RPS6KC1: variants seen among roughly 807,000 people sequenced by gnomAD.
The protein encoded by RPS6KC1 is ribosomal protein S6 kinase C1.
Under a neutral mutation model 103.8 loss-of-function variants are expected in RPS6KC1, and 54 were observed. The ratio of observed to expected loss-of-function variants is 0.52; its 90% CI spans 0.42 to 0.65. The LOEUF (loss-of-function observed/expected upper bound fraction) is 0.65, where lower values mean the gene tolerates loss of function less well. RPS6KC1 is among the 30% of genes least tolerant of loss of function. The pLI, the probability that RPS6KC1 is intolerant of heterozygous loss-of-function variation, is 0.00. For missense variants in RPS6KC1, 1,151 were observed against 1,253.8 expected, an observed-to-expected ratio of 0.92 and a Z score of 1.24; for synonymous variants, 439 against 438.7, an observed-to-expected ratio of 1.00 and a Z score of -0.01.
the RPS6KC1 span, among the ~76,000 whole-genome samples, chr1:213,727,595 G>A: frequency 6.6e-6 from 1 of 152,162 alleles, no homozygotes; most frequent in Non-Finnish European, 1.5e-5. Flanking sequence ...GTGATTTATT[G>A]ATAGGCCAGG....
chr1:213,642,412 C>T, the RPS6KC1 span, among the ~76,000 whole-genome samples: 1 of 152,132 alleles, frequency 6.6e-6, no homozygotes, highest in Non-Finnish European at 1.5e-5. Flanking sequence ...ACCAGTGAGA[C>T]TGAGCATCTT....
chr1:213,194,696 A>G (rs1221197194), intron 8 of RPS6KC1, among the ~76,000 whole-genome samples: 1 of 152,228 alleles, frequency 6.6e-6, no homozygotes, highest in Non-Finnish European at 1.5e-5. Context: ...CCTATTGTGA[A>G]CTGTGAATGC....
In RPS6KC1 at chr1:213,160,742, C is replaced by T. The variant is rs146632021; in HGVS notation, c.836-7116C>T. ...GGAAACATAATTCTGAGCAAACTAT[C>T]GCAAGGACACAAAACCAAACACCAC... On this transcript the variant is annotated intron_variant, in intron 6 of 14. Transcript: ENST00000366960. Among the ~76,000 whole-genome samples, 172 of 151,610 alleles carry T rather than the reference C, an allele frequency of 1.1e-3. 1 individual carries two copies. In the East Asian group the frequency reaches 0.026, roughly 23 times the overall value.
At chr1:213,440,300 T>G in the RPS6KC1 span, among the ~76,000 whole-genome samples, 1 of 152,134 alleles carries the variant, frequency 6.6e-6, no homozygotes, top group Non-Finnish European at 1.5e-5. Flanking sequence ...CCAGAAGACT[T>G]GAAGACAAGT....
the RPS6KC1 span, among the ~76,000 whole-genome samples, chr1:213,617,809 G>A: frequency 6.6e-6 from 1 of 152,166 alleles, no homozygotes; most frequent in South Asian, 2.1e-4. Context: ...TAAAGCCTAG[G>A]ATGGAAGGAA....
the RPS6KC1 span, among the ~76,000 whole-genome samples, chr1:213,352,304 AT>A: frequency 6.6e-6 from 1 of 152,356 alleles, no homozygotes; most frequent in African/African-American, 2.4e-5. Flanking sequence ...TAATTCTAAA[AT>A]TTGGAAAAAC....
intron 8 of RPS6KC1, among the ~76,000 whole-genome samples, chr1:213,203,436 T>C (rs1454680303): frequency 2.6e-5 from 4 of 152,200 alleles, no homozygotes; most frequent in African/African-American, 9.6e-5. Flanking sequence ...GTCATTTTAA[T>C]GTGCAATTTT....
chr1:213,789,862 T>C, the RPS6KC1 span, among the ~76,000 whole-genome samples: 1 of 152,224 alleles, frequency 6.6e-6, no homozygotes, highest in African/African-American at 2.4e-5. Context: ...ATAAGTCAAA[T>C]GCTGAGATAG....
chr1:213,226,921 A>T (rs1179022655), intron 8 of RPS6KC1, among the ~76,000 whole-genome samples: 1 of 152,242 alleles, frequency 6.6e-6, no homozygotes, highest in East Asian at 1.9e-4. Flanking sequence ...AATAAATAGT[A>T]TCGCTTAGCA....
chr1:213,718,839 C>T, the RPS6KC1 span, among the ~76,000 whole-genome samples: 2 of 152,304 alleles, frequency 1.3e-5, no homozygotes, highest in South Asian at 4.1e-4. Flanking sequence ...TCCTATAGTT[C>T]TGGGGTGGGA....
At chr1:213,815,031 C>T in the RPS6KC1 span, among the ~76,000 whole-genome samples, 264 of 152,258 alleles carry the variant, frequency 1.7e-3, 1 homozygote, top group Admixed American at 3.5e-3. Flanking sequence ...ATAATCTCCA[C>T]GTGTCATGGG....
the RPS6KC1 span, among the ~76,000 whole-genome samples, chr1:213,602,524 C>A: frequency 6.6e-6 from 1 of 151,950 alleles, no homozygotes; most frequent in Non-Finnish European, 1.5e-5. Flanking sequence ...TGAGCCATTG[C>A]GCCCGGCCTG....
chr1:213,853,135 C>T, the RPS6KC1 span, among the ~76,000 whole-genome samples: 1 of 152,202 alleles, frequency 6.6e-6, no homozygotes, highest in African/African-American at 2.4e-5. Flanking sequence ...TCTGGAAGTT[C>T]CTGCCACCCT....
intron 8 of RPS6KC1, among the ~76,000 whole-genome samples, chr1:213,191,622 C>G (rs919242417): frequency 2.0e-5 from 3 of 151,894 alleles, no homozygotes; most frequent in Non-Finnish European, 4.4e-5. Flanking sequence ...AATTTAGATG[C>G]TCTTTATTTC....
chr1:213,361,670 C>T, the RPS6KC1 span, among the ~76,000 whole-genome samples: 3 of 152,296 alleles, frequency 2.0e-5, no homozygotes, highest in East Asian at 1.9e-4. Context: ...TGTTCCTATT[C>T]GGCCATCTTG....
At chr1:213,850,289 AAG>A in the RPS6KC1 span, among the ~76,000 whole-genome samples, 1 of 152,186 alleles carries the variant, frequency 6.6e-6, no homozygotes, top group East Asian at 1.9e-4. Context: ...CTAGATCACA[AAG>A]AGTTTTTTCA....
the RPS6KC1 span, chr1:213,428,649 T>C: frequency 2.9e-5 from 4 of 136,286 alleles, no homozygotes; most frequent in African/African-American, 1.1e-4. Flanking sequence ...CCTCTTTCTC[T>C]CTCCCCCTCT....
intron 12 of RPS6KC1, among the ~76,000 whole-genome samples, chr1:213,253,884 G>T (rs2094587098): frequency 6.6e-6 from 1 of 152,122 alleles, no homozygotes; most frequent in Admixed American, 6.5e-5. Context: ...TATAGTTGCA[G>T]TTCTGGATTT....
At chr1:213,358,342 T>G in the RPS6KC1 span, among the ~76,000 whole-genome samples, 3,113 of 152,344 alleles carry the variant, frequency 0.02, 178 homozygotes, top group Admixed American at 0.12. Flanking sequence ...AGATTCAACT[T>G]CTTCCTGGTT....
Sources: allele counts gnomAD v4.1 joint callset (sites outside exome capture counted in the v4.1 genomes callset), GRCh38; gene constraint gnomAD v4.1.1; transcripts MANE v1.5; gene names NCBI Gene and HGNC (gene_info 2026-07-23, HGNC 2026-07-21).